The following MTMR3 variants were observed in gnomAD, a reference collection of about 807,000 sequenced individuals.
MTMR3 encodes phosphatidylinositol-3,5-bisphosphate 3-phosphatase MTMR3.
A neutral mutation model predicts 132.4 loss-of-function variants in MTMR3; 32 were observed. The observed-to-expected ratio is 0.24, with a 90% CI of 0.18 to 0.32. The LOEUF is 0.32. Among genes scored for constraint, MTMR3 ranks in the 10% least tolerant of loss-of-function variants. The pLI, the probability that MTMR3 is intolerant of heterozygous loss-of-function variation, is 1.00. For synonymous variants in MTMR3, 556 were observed against 550.3 expected (o/e 1.01, Z -0.14); for missense variants, 1,216 against 1,489.6 (o/e 0.82, Z 3.02).
chr22:29,895,728 C>A (rs1298187251), intron 1 of MTMR3, among the ~76,000 whole-genome samples: 1 of 152,110 alleles, frequency 6.6e-6, no homozygotes, highest in African/African-American at 2.4e-5. Flanking sequence ...ATTGGTTTTA[C>A]TGGGATTCAG....
In MTMR3 at chr22:30,012,534, T is replaced by TTGC; in HGVS notation, c.1291_1293dup (p.Leu431dup). 1 of 1,613,262 alleles carries TTGC rather than the reference T, an allele frequency of 6.2e-7. No individual in the cohort carries two copies. Among genetic ancestry groups the TTGC allele is most frequent in the Non-Finnish European group, 8.5e-7 (1 of 1,179,828 alleles). On this transcript the variant is annotated inframe_insertion, in exon 13 of 20. Transcript: ENST00000401950. ...CCAGATTGTGGCATTGGCTAAGCTC[T>TTGC]TGCTGGACCCTTATTACCGAACCAT...
At chr22:29,920,075 A>G (rs1361398256) in intron 1 of MTMR3, among the ~76,000 whole-genome samples, 3 of 151,858 alleles carry the variant, frequency 2.0e-5, no homozygotes, top group African/African-American at 4.8e-5. Flanking sequence ...TTAGCTGGGC[A>G]TGTTGGCACG....
intron 2 of MTMR3, among the ~76,000 whole-genome samples, chr22:29,970,221 T>C (rs1409657383): frequency 6.6e-6 from 1 of 152,230 alleles, no homozygotes. Context: ...TTTTTCCTAT[T>C]TTGCTCGTAA....
At chr22:29,924,238 A>G (rs972392864) in intron 1 of MTMR3, among the ~76,000 whole-genome samples, 1 of 152,344 alleles carries the variant, frequency 6.6e-6, no homozygotes, top group Non-Finnish European at 1.5e-5. Context: ...AGTTAATTAC[A>G]TATAGTCTAA....
At chr22:29,977,865 G>A (rs1460925589) in intron 3 of MTMR3, among the ~76,000 whole-genome samples, 3 of 152,100 alleles carry the variant, frequency 2.0e-5, no homozygotes, top group Non-Finnish European at 4.4e-5. Flanking sequence ...AGTAGTGTGG[G>A]GCTGGGCACA....
intron 1 of MTMR3, among the ~76,000 whole-genome samples, chr22:29,933,403 T>G (rs768699398): frequency 2.0e-5 from 3 of 152,198 alleles, no homozygotes; most frequent in Non-Finnish European, 4.4e-5. Flanking sequence ...ATATCCAAGT[T>G]CTTGGATACA....
At position 30,020,872 on chromosome 22, in the gene MTMR3, T is replaced by C. The variant is rs1388681422; in HGVS notation, c.3213T>C (p.Phe1071=). ...LTSSLHFNGD[F]GDEVTSIPDS... is the part of the protein sequence containing the mutation. Reference sequence around the variant, plus strand: ...GCTCCCTACACTTTAATGGAGACTTTGGGGATGAGGTGGTGAGTAGGCTGT... The same window carrying C: ...GCTCCCTACACTTTAATGGAGACTTCGGGGATGAGGTGGTGAGTAGGCTGT... The change falls in exon 17 of 20, where the codon TTT becomes TTC. Residue 1071 remains phenylalanine, a synonymous_variant. Transcript: ENST00000401950. 1 of 1,590,652 alleles carries C rather than the reference T, an allele frequency of 6.3e-7. No homozygotes were observed. The highest frequency in any genetic ancestry group is 1.8e-5 in the Admixed American group (1 of 56,048).
intron 3 of MTMR3, among the ~76,000 whole-genome samples, chr22:29,975,437 C>T (rs2066611368): frequency 6.6e-6 from 1 of 152,140 alleles, no homozygotes; most frequent in Non-Finnish European, 1.5e-5. Context: ...CTCATATCTA[C>T]TTCGGCATTC....
chr22:29,978,567 T>C, intron 4 of MTMR3, 36 bp downstream of exon 4: 2 of 1,525,564 alleles, frequency 1.3e-6, no homozygotes, highest in Non-Finnish European at 1.8e-6. Flanking sequence ...AAAATATTTA[T>C]TTAGCATTAA....
At chr22:29,884,196 C>T (rs1266570388) in intron 1 of MTMR3, among the ~76,000 whole-genome samples, 2 of 152,026 alleles carry the variant, frequency 1.3e-5, no homozygotes, top group African/African-American at 4.8e-5. Context: ...CTTTCCAGAC[C>T]CAGGCCTAAA....
At chr22:29,986,572 C>T in intron 5 of MTMR3, 18 of 984,660 alleles carry the variant, frequency 1.8e-5, no homozygotes, top group Non-Finnish European at 2.0e-5. Context: ...CAGTTTCTCA[C>T]AGCACCTTGG....
chr22:29,982,724 ATTACT>A (rs1319681428), intron 5 of MTMR3: 1 of 152,216 alleles, frequency 6.6e-6, no homozygotes, highest in African/African-American at 2.4e-5. Context: ...CGTAAACATC[ATTACT>A]TTAATTCACA....
chr22:30,030,115 A>C lies in MTMR3; in HGVS notation c.*4314A>C, dbSNP rs1186503461. The C allele has an allele frequency of 6.6e-6, 1 of 152,294 alleles. No individual in the cohort carries two copies. The highest frequency in any genetic ancestry group is 1.5e-5 in the Non-Finnish European group (1 of 68,046). 9.4% of individuals were successfully genotyped at this position (152,294 alleles called of 1,614,324 possible). A position where few individuals can be genotyped will look rare whatever the true frequency, so the allele number is the denominator to read the frequency against. On this transcript the variant is annotated 3_prime_UTR_variant, in exon 20 of 20. Transcript: ENST00000401950. ...CTAGGCTAGGCAGGTGTTCAGAGGC[A>C]TGAAGGTCTGGGCAGGGGAAGGGCG...
chr22:29,964,152 G>A (rs933000609), intron 2 of MTMR3, among the ~76,000 whole-genome samples: 4 of 152,098 alleles, frequency 2.6e-5, no homozygotes, highest in Admixed American at 6.5e-5. Flanking sequence ...TGCATTACTC[G>A]TATATCTAAT....
intron 8 of MTMR3, chr22:30,000,855 A>G (rs1476225149): frequency 6.6e-6 from 1 of 152,212 alleles, no homozygotes; most frequent in Non-Finnish European, 1.5e-5. Context: ...ACAAGTGAGT[A>G]GGTAGTGCAT....
intron 1 of MTMR3, among the ~76,000 whole-genome samples, chr22:29,938,615 C>A (rs1258044236): frequency 1.3e-5 from 2 of 152,110 alleles, no homozygotes; most frequent in Admixed American, 1.3e-4. Flanking sequence ...TGGGGACTTC[C>A]CTCAGCCCAC....
rs747804856 is a variant in MTMR3 at position 30,023,462 on chromosome 22, CTGACCGTG to C, written c.3425+767_3425+774del. ...TCTTTCTCCCCTCCTTGCAGGGACA[CTGACCGTG>C]TTGATCAAACGTGGTGAGCATTTGC... On this transcript the variant is annotated intron_variant, in intron 19 of 19. Transcript: ENST00000401950. 5 of 1,614,204 alleles carry C rather than the reference CTGACCGTG, an allele frequency of 3.1e-6. No individual in the cohort carries two copies. In the Admixed American group the frequency reaches 6.7e-5, roughly 22 times the overall value.
At chr22:29,893,089 G>A (rs2145708443) in intron 1 of MTMR3, among the ~76,000 whole-genome samples, 1 of 152,314 alleles carries the variant, frequency 6.6e-6, no homozygotes, top group East Asian at 1.9e-4. Context: ...CTGGTACAGA[G>A]TAAGCTGTCA....
At chr22:29,917,327 G>A (rs770436831) in intron 1 of MTMR3, among the ~76,000 whole-genome samples, 4 of 152,038 alleles carry the variant, frequency 2.6e-5, no homozygotes, top group Non-Finnish European at 2.9e-5. Flanking sequence ...AAGATCCTTC[G>A]TATAAGATTT....
Sources: gnomAD v4.1 joint callset for allele counts (sites outside exome capture counted in the v4.1 genomes callset) on GRCh38, gnomAD v4.1.1 for gene constraint, MANE v1.5 for transcripts, NCBI Gene and HGNC (gene_info 2026-07-23, HGNC 2026-07-21) for gene names.